The following PTPN9 variants were observed in gnomAD, a reference collection of about 807,000 sequenced individuals.
PTPN9 encodes the protein tyrosine-protein phosphatase non-receptor type 9.
Under a neutral mutation model 69.8 loss-of-function variants are expected in PTPN9, and 26 were observed. The ratio of observed to expected loss-of-function variants is 0.37; its 90% CI spans 0.27 to 0.52. PTPN9 has a LOEUF of 0.52. Ranked by LOEUF, PTPN9 falls within the 20% of genes least tolerant of loss-of-function variation. PTPN9 has a pLI of 0.91. For synonymous variants in PTPN9, 274 were observed against 272.5 expected (o/e 1.01, Z -0.05); for missense variants, 549 against 740.3 (o/e 0.74, Z 3.00).
At chr15:75,534,674 C>CA (rs56302688) in intron 1 of PTPN9, among the ~76,000 whole-genome samples, 22,785 of 96,052 alleles carry the variant, frequency 0.24, 2,607 homozygotes, top group Non-Finnish European at 0.32. Context: ...GACTCTATCT[C>CA]AAAAAAAAAA....
chr15:75,526,643 T>C (rs2074929191), intron 2 of PTPN9, among the ~76,000 whole-genome samples: 1 of 152,184 alleles, frequency 6.6e-6, no homozygotes, highest in South Asian at 2.1e-4. Context: ...AAAGATACTT[T>C]AAGATAATGG....
At chr15:75,472,197 C>T (rs1595944738) in intron 10 of PTPN9, among the ~76,000 whole-genome samples, 3 of 152,108 alleles carry the variant, frequency 2.0e-5, no homozygotes, top group East Asian at 1.9e-4. Flanking sequence ...CGGTGGCTCA[C>T]GCCTGTAATC....
Position 75,505,670 on chromosome 15 carries a change from C to T in PTPN9, c.968+5G>A. ...CAGCTGCTGGCCCAAACTTTTTCTACTTACATGGAACAGTGGAAAGTGCCA... is the reference window on the plus strand; with the variant it reads ...CAGCTGCTGGCCCAAACTTTTTCTATTTACATGGAACAGTGGAAAGTGCCA... On this transcript the variant is annotated splice_donor_5th_base_variant and intron_variant, in intron 7 of 12. Coordinates refer to ENST00000618819, the MANE Select transcript of PTPN9 (RefSeq NM_002833.4). The T allele has an allele frequency of 6.2e-7, 1 of 1,606,442 alleles. No homozygotes were observed. The highest frequency in any genetic ancestry group is 8.5e-7 in the Non-Finnish European group (1 of 1,174,854).
intron 1 of PTPN9, among the ~76,000 whole-genome samples, chr15:75,541,038 C>T (rs998551877): frequency 2.0e-5 from 3 of 151,834 alleles, no homozygotes; most frequent in Admixed American, 6.6e-5. Flanking sequence ...GTGATCACAC[C>T]ACTGCACTTC....
In PTPN9 at chr15:75,468,988, A is replaced by C. The variant is rs2074550329; in HGVS notation, c.1568-5T>G. 1.2e-6 allele frequency: 2 copies of C among 1,608,276 alleles called. No homozygotes were observed. The highest frequency in any genetic ancestry group is 1.7e-6 in the Non-Finnish European group (2 of 1,175,192). On this transcript the variant is annotated splice_region_variant and splice_polypyrimidine_tract_variant and intron_variant, in intron 12 of 12. Transcript: ENST00000618819. ...TGTCCAGTGAGCAGAAGGTACCTGAAGAAGGAAGGAAGTGATCACATCTGG... is the reference window on the plus strand; with the variant it reads ...TGTCCAGTGAGCAGAAGGTACCTGACGAAGGAAGGAAGTGATCACATCTGG...
At position 75,464,600 on chromosome 15, in the gene PTPN9, G is replaced by T. The variant is rs375841248; in HGVS notation, c.*4169C>A. The T allele has an allele frequency of 5.3e-5, 8 of 152,088 alleles. No individual in the cohort carries two copies. Among genetic ancestry groups the T allele is most frequent in the Non-Finnish European group, 1.2e-4 (8 of 68,044 alleles). 9.4% of individuals were successfully genotyped at this position (152,088 alleles called of 1,614,324 possible). The stretch of plus-strand genomic sequence containing the variant: ...CCTAGGACTTGGGTTTGGTTCAGTG[G>T]TAAGACCTCAAAACCACAAAAGAGC... On this transcript the variant is annotated 3_prime_UTR_variant, in exon 13 of 13. Transcript: ENST00000618819.
At chr15:75,556,092 T>C (rs1174807457) in intron 1 of PTPN9, among the ~76,000 whole-genome samples, 1 of 150,854 alleles carries the variant, frequency 6.6e-6, no homozygotes, top group Admixed American at 6.6e-5. Flanking sequence ...TCAACAATTT[T>C]TTTTTTCTGT....
intron 9 of PTPN9, among the ~76,000 whole-genome samples, chr15:75,477,249 T>G (rs192778331): frequency 6.6e-6 from 1 of 152,372 alleles, no homozygotes; most frequent in East Asian, 1.9e-4. Context: ...AATAATTAGA[T>G]AGCATTTATG....
intron 9 of PTPN9, among the ~76,000 whole-genome samples, chr15:75,476,130 G>C (rs939269319): frequency 6.6e-6 from 1 of 152,100 alleles, no homozygotes; most frequent in Admixed American, 6.6e-5. Context: ...CTGTCACCCA[G>C]CCTAGGTGAC....
intron 9 of PTPN9, among the ~76,000 whole-genome samples, chr15:75,476,634 C>T (rs763002084): frequency 3.9e-5 from 6 of 152,008 alleles, no homozygotes; most frequent in Non-Finnish European, 7.4e-5. Flanking sequence ...ATTTTGTATG[C>T]CTATATCTGC....
intron 7 of PTPN9, among the ~76,000 whole-genome samples, chr15:75,495,162 G>A (rs776907955): frequency 6.6e-6 from 1 of 151,996 alleles, no homozygotes; most frequent in Non-Finnish European, 1.5e-5. Context: ...CTATACTCCA[G>A]CAAAATAGAA....
At chr15:75,530,226 A>G (rs1444564969) in intron 1 of PTPN9, among the ~76,000 whole-genome samples, 1 of 142,862 alleles carries the variant, frequency 7.0e-6, no homozygotes, top group Non-Finnish European at 1.5e-5. Flanking sequence ...AAAGAAAAGA[A>G]AGAAAGAAAG....
intron 5 of PTPN9, chr15:75,512,771 A>G (rs1237063891): frequency 3.7e-6 from 1 of 268,712 alleles, no homozygotes; most frequent in Non-Finnish European, 7.4e-6. Context: ...AAAAGACGCT[A>G]TTCTCTCATT....
chr15:75,544,240 C>G (rs2075021636), intron 1 of PTPN9, among the ~76,000 whole-genome samples: 1 of 152,154 alleles, frequency 6.6e-6, no homozygotes, highest in Admixed American at 6.6e-5. Flanking sequence ...GCCGAGTAAA[C>G]AAGCAGCTCC....
intron 5 of PTPN9, among the ~76,000 whole-genome samples, chr15:75,515,775 A>C (rs1206208292): frequency 6.6e-6 from 1 of 151,656 alleles, no homozygotes; most frequent in Non-Finnish European, 1.5e-5. Context: ...GCAGGCGCCT[A>C]TAATCCCAGC....
At chr15:75,557,874 A>G (rs1260393233) in intron 1 of PTPN9, among the ~76,000 whole-genome samples, 1 of 152,210 alleles carries the variant, frequency 6.6e-6, no homozygotes, top group Non-Finnish European at 1.5e-5. Context: ...CTCCAAGGCT[A>G]GCATTTACCT....
chr15:75,475,966 CT>C (rs2074593623), intron 9 of PTPN9, among the ~76,000 whole-genome samples: 1 of 152,272 alleles, frequency 6.6e-6, no homozygotes, highest in Non-Finnish European at 1.5e-5. Context: ...TTGCAAAACC[CT>C]GTCCCTACAA....
rs988908599 is a variant in PTPN9, at chr15:75,504,801, G to C, written c.968+874C>G. Among the ~76,000 whole-genome samples, 3 of 142,272 alleles carry C rather than the reference G, an allele frequency of 2.1e-5. 1 individual carries two copies. The highest frequency in any genetic ancestry group is 8.1e-5 in the African/African-American group (3 of 36,898). 93.3% of individuals were successfully genotyped at this position (142,272 alleles called of 152,430 possible). A position where few individuals can be genotyped will look rare whatever the true frequency, so the allele number is the denominator to read the frequency against. On this transcript the variant is annotated intron_variant, in intron 7 of 12. Transcript: ENST00000618819. ...GCCGCCCCGTCCGGGAGGGAGGTGG[G>C]GGGGTCAGCCCCCCGCCTGGCCAGC...
intron 1 of PTPN9, among the ~76,000 whole-genome samples, chr15:75,527,735 A>T (rs910331388): frequency 6.6e-6 from 1 of 152,070 alleles, no homozygotes; most frequent in African/African-American, 2.4e-5. Flanking sequence ...GCACGCCTGT[A>T]ATGTCAGCTA....
Sources: allele counts gnomAD v4.1 joint callset (sites outside exome capture counted in the v4.1 genomes callset), GRCh38; gene constraint gnomAD v4.1.1; transcripts MANE v1.5; gene names NCBI Gene and HGNC (gene_info 2026-07-23, HGNC 2026-07-21).